HPSE2: variants seen among roughly 807,000 people sequenced by gnomAD.
HPSE2 encodes the protein inactive heparanase-2.
In HPSE2, 38 loss-of-function variants were observed where a neutral mutation model predicts 60.5. The observed-to-expected ratio is 0.63, with a 90% CI of 0.48 to 0.82. The LOEUF (loss-of-function observed/expected upper bound fraction) is 0.82, where lower values mean the gene tolerates loss of function less well. HPSE2 is among the 40% of genes least tolerant of loss of function. The probability of loss-of-function intolerance (pLI) is 0.00; values close to 1 mark genes in which losing one functional copy is unlikely to be tolerated. For synonymous variants in HPSE2, 295 were observed against 293.2 expected (o/e 1.01, Z -0.06); for missense variants, 713 against 740.4 (o/e 0.96, Z 0.43).
At chr10:98,569,965 C>T (rs1000895622) in intron 9 of HPSE2, among the ~76,000 whole-genome samples, 1 of 152,222 alleles carries the variant, frequency 6.6e-6, no homozygotes, top group Admixed American at 6.5e-5. Flanking sequence ...ATTAAGAACT[C>T]CAATGACTCC....
At chr10:98,749,185 A>G (rs1949696365) in intron 3 of HPSE2, among the ~76,000 whole-genome samples, 1 of 152,154 alleles carries the variant, frequency 6.6e-6, no homozygotes, top group Admixed American at 6.6e-5. Context: ...ATGACAGATT[A>G]TTTCTCTTAG....
chr10:98,733,115 T>G (rs1307264691), intron 4 of HPSE2, among the ~76,000 whole-genome samples: 1 of 152,062 alleles, frequency 6.6e-6, no homozygotes, highest in Non-Finnish European at 1.5e-5. Context: ...CATCTGTTAT[T>G]TACTATTGTG....
intron 3 of HPSE2, among the ~76,000 whole-genome samples, chr10:98,771,523 G>A (rs1229754869): frequency 6.6e-6 from 1 of 152,180 alleles, no homozygotes; most frequent in African/African-American, 2.4e-5. Flanking sequence ...TGGATACCAG[G>A]CTGATAACTA....
At chr10:98,915,585 T>C (rs1244178750) in intron 3 of HPSE2, among the ~76,000 whole-genome samples, 1 of 152,180 alleles carries the variant, frequency 6.6e-6, no homozygotes, top group Admixed American at 6.5e-5. Flanking sequence ...GATAGAATCA[T>C]CAAAACTCTG....
intron 9 of HPSE2, among the ~76,000 whole-genome samples, chr10:98,549,254 G>C (rs1388837821): frequency 6.6e-6 from 1 of 152,082 alleles, no homozygotes; most frequent in African/African-American, 2.4e-5. Context: ...GAAATTAATA[G>C]TATTTACCTT....
At chr10:98,485,359 C>A (rs1276168873) in intron 10 of HPSE2, among the ~76,000 whole-genome samples, 1 of 152,052 alleles carries the variant, frequency 6.6e-6, no homozygotes, top group African/African-American at 2.4e-5. Context: ...TTTGCATCTG[C>A]AGGAGGGTAC....
chr10:99,156,606 TA>T (rs2135818558), intron 2 of HPSE2, among the ~76,000 whole-genome samples: 2 of 116,538 alleles, frequency 1.7e-5, no homozygotes, highest in Non-Finnish European at 4.1e-5. Flanking sequence ...TATTTCAAAA[TA>T]ATAAGAGCTA....
At chr10:99,113,908 T>C (rs896721839) in intron 3 of HPSE2, among the ~76,000 whole-genome samples, 4 of 152,200 alleles carry the variant, frequency 2.6e-5, no homozygotes, top group African/African-American at 9.6e-5. Context: ...AGAGTTCATA[T>C]TAAAGACAAA....
intron 9 of HPSE2, among the ~76,000 whole-genome samples, chr10:98,605,160 A>G (rs866102305): frequency 1.6e-4 from 24 of 152,240 alleles, no homozygotes; most frequent in Middle Eastern, 3.4e-3. Context: ...TAAAAAATCT[A>G]TTGTCTACTG....
chr10:98,498,382 C>T (rs1196182193), intron 9 of HPSE2, among the ~76,000 whole-genome samples: 2 of 152,122 alleles, frequency 1.3e-5, no homozygotes, highest in Admixed American at 6.6e-5. Context: ...TGGCTAGACC[C>T]AGAAGACAGA....
Position 99,184,819 on chromosome 10 carries a change from T to TAGAG in HPSE2, c.449-40424_449-40421dup, listed in dbSNP as rs1177556672. Among the ~76,000 whole-genome samples the TAGAG allele has an allele frequency of 2.7e-3, 54 of 19,856 alleles. 2 individuals are homozygous for TAGAG. Among genetic ancestry groups the TAGAG allele is most frequent in the African/African-American group, 4.5e-3 (27 of 6,008 alleles). The allele number at this position is 19,856 out of a possible 152,430, so 13.0% of individuals were successfully genotyped here. On this transcript the variant is annotated intron_variant, in intron 2 of 11. Transcript: ENST00000370552. Reference sequence around the variant, plus strand: ...ATATATATATATATATATATATATATAGAGAGAGAGAGAGAGAGAGAGAGA... The same window carrying TAGAG: ...ATATATATATATATATATATATATATAGAGAGAGAGAGAGAGAGAGAGAGAGAGA...
At chr10:98,960,716 T>TTA (rs1554852382) in intron 3 of HPSE2, among the ~76,000 whole-genome samples, 3,453 of 104,574 alleles carry the variant, frequency 0.033, 92 homozygotes, top group African/African-American at 0.11. Flanking sequence ...TTTTTTTTTT[T>TTA]TTTTGTTTTA....
At chr10:99,281,142 ATGTTATT>A in the HPSE2 span, among the ~76,000 whole-genome samples, 32 of 37,958 alleles carry the variant, frequency 8.4e-4, no homozygotes, top group African/African-American at 4.7e-3. Context: ...TACATTGTGT[ATGTTATT>A]TATTATTGTT....
In HPSE2 at chr10:99,040,194, G is replaced by A. The variant is rs955555287; in HGVS notation, c.610+104044C>T. 3.9e-5 allele frequency among the ~76,000 whole-genome samples: 6 copies of A among 152,152 alleles called. No individual in the cohort carries two copies. In the South Asian group the frequency reaches 1.0e-3, roughly 26 times the overall value. On this transcript the variant is annotated intron_variant, in intron 3 of 11. Transcript: ENST00000370552. ...ATATCACAGGCATCTTTCCATATCA[G>A]CACATATAGTTCTACTGCATTCTTT...
At chr10:99,123,637 A>C (rs561512064) in intron 3 of HPSE2, among the ~76,000 whole-genome samples, 1 of 152,314 alleles carries the variant, frequency 6.6e-6, no homozygotes, top group African/African-American at 2.4e-5. Context: ...AATGAGGTAC[A>C]TGGAAAACTA....
chr10:98,730,425 A>G (rs1043971910), intron 4 of HPSE2, among the ~76,000 whole-genome samples: 1 of 152,188 alleles, frequency 6.6e-6, no homozygotes, highest in Non-Finnish European at 1.5e-5. Context: ...GAAAGGAAAA[A>G]AGAACGGAAA....
At chr10:98,682,295 T>A (rs1157071036) in intron 6 of HPSE2, among the ~76,000 whole-genome samples, 2 of 152,148 alleles carry the variant, frequency 1.3e-5, no homozygotes, top group African/African-American at 4.8e-5. Flanking sequence ...GTTCCCTGAG[T>A]CCTCCCAGAA....
intron 3 of HPSE2, among the ~76,000 whole-genome samples, chr10:99,043,956 C>T (rs994042980): frequency 2.6e-5 from 4 of 152,074 alleles, no homozygotes; most frequent in Admixed American, 6.6e-5. Flanking sequence ...ATACAGTCCA[C>T]GAAAATTTCC....
chr10:99,289,018 A>T, the HPSE2 span, among the ~76,000 whole-genome samples: 1 of 152,192 alleles, frequency 6.6e-6, no homozygotes, highest in Non-Finnish European at 1.5e-5. Context: ...GGCCATGGTC[A>T]CTGTCTTCTG....
Sources: gnomAD v4.1 joint callset for allele counts (sites outside exome capture counted in the v4.1 genomes callset) on GRCh38, gnomAD v4.1.1 for gene constraint, MANE v1.5 for transcripts, NCBI Gene and HGNC (gene_info 2026-07-23, HGNC 2026-07-21) for gene names.